PTK2: variants seen among roughly 807,000 people sequenced by gnomAD.
PTK2 encodes the protein protein tyrosine kinase 2.
In PTK2, 45 loss-of-function variants were observed where a neutral mutation model predicts 150.1. That is an observed-to-expected ratio of 0.30 (90% CI 0.24 to 0.38). PTK2 has a LOEUF of 0.38. Ranked by LOEUF, PTK2 falls within the 10% of genes least tolerant of loss-of-function variation. The pLI, the probability that PTK2 is intolerant of heterozygous loss-of-function variation, is 1.00. For synonymous variants in PTK2, 432 were observed against 449.2 expected (o/e 0.96, Z 0.48); for missense variants, 919 against 1,307.3 (o/e 0.70, Z 4.58).
chr8:140,694,950 C>T (rs1428297047), intron 26 of PTK2, among the ~76,000 whole-genome samples: 7 of 152,134 alleles, frequency 4.6e-5, no homozygotes, highest in South Asian at 2.1e-4. Flanking sequence ...CACACTACAC[C>T]GCACCAGGCG....
chr8:140,879,690 A>AAC (rs1555303005), intron 3 of PTK2, 53 bp from the exon 4 acceptor site: 5 of 1,270,600 alleles, frequency 3.9e-6, no homozygotes, highest in Non-Finnish European at 4.1e-6. Context: ...AAAAAAAAAA[A>AAC]AAAAAAAAAA....
Position 140,830,078 on chromosome 8 carries a change from CACACAT to C in PTK2, c.648+388_648+393del, listed in dbSNP as rs1334041895. ...TTCAAAATGCACTAACATGCACGCA[CACACAT>C]ACACACACACACACACACACACACA... is the stretch of plus-strand genomic sequence containing the variant. On this transcript the variant is annotated intron_variant, in intron 8 of 31. Transcript: ENST00000522684. Among the ~76,000 whole-genome samples, 302 of 97,116 alleles carry C rather than the reference CACACAT, an allele frequency of 3.1e-3. 3 individuals are homozygous for C. Among genetic ancestry groups the C allele is most frequent in the African/African-American group, 0.018 (289 of 15,986 alleles). 63.7% of individuals were successfully genotyped at this position (97,116 alleles called of 152,430 possible).
intron 1 of PTK2, among the ~76,000 whole-genome samples, chr8:140,947,703 G>A (rs982883939): frequency 6.6e-6 from 1 of 152,002 alleles, no homozygotes; most frequent in Non-Finnish European, 1.5e-5. Context: ...AGCTATTAAA[G>A]AGGAGCTACA....
chr8:140,955,298 A>G (rs11992645), intron 1 of PTK2, among the ~76,000 whole-genome samples: 63,451 of 151,944 alleles, frequency 0.42, 15,168 homozygotes, highest in Non-Finnish European at 0.55. Flanking sequence ...TCATGATAGC[A>G]AATAAGTCTC....
At chr8:140,736,252 A>G (rs955008942) in intron 21 of PTK2, among the ~76,000 whole-genome samples, 2 of 152,278 alleles carry the variant, frequency 1.3e-5, no homozygotes, top group Admixed American at 1.3e-4. Context: ...CCATTTATCC[A>G]AAGTGCATTA....
At chr8:140,742,691 T>C (rs2100056442) in intron 20 of PTK2, among the ~76,000 whole-genome samples, 1 of 152,216 alleles carries the variant, frequency 6.6e-6, no homozygotes. Context: ...TTTTGCCCAT[T>C]TCTAAGTGCA....
chr8:140,957,223 T>C (rs1453457108), intron 1 of PTK2, among the ~76,000 whole-genome samples: 1 of 152,010 alleles, frequency 6.6e-6, no homozygotes, highest in Non-Finnish European at 1.5e-5. Flanking sequence ...TGCTTGAGTC[T>C]AGAAGTTTGA....
At chr8:140,859,744 GC>G (rs1056000435) in intron 5 of PTK2, among the ~76,000 whole-genome samples, 1 of 144,864 alleles carries the variant, frequency 6.9e-6, no homozygotes, top group Non-Finnish European at 1.5e-5. Context: ...ATTTATCTGT[GC>G]CCCCCCTCCC....
At chr8:141,000,127 C>CACACACACACACACACACACA (rs58481152) in intron 1 of PTK2, among the ~76,000 whole-genome samples, 1,563 of 123,716 alleles carry the variant, frequency 0.013, 55 homozygotes, top group African/African-American at 0.017. Context: ...ACACACACAC[C>CACACACACACACACACACACA]CCTTCTTCTA....
chr8:140,934,309 G>A (rs1249436897), intron 1 of PTK2, among the ~76,000 whole-genome samples: 1 of 152,176 alleles, frequency 6.6e-6, no homozygotes, highest in South Asian at 2.1e-4. Context: ...TCAGGAGGCT[G>A]AGGCAGGAGG....
intron 5 of PTK2, among the ~76,000 whole-genome samples, chr8:140,860,179 C>T (rs1022132590): frequency 6.6e-6 from 1 of 152,178 alleles, no homozygotes; most frequent in African/African-American, 2.4e-5. Flanking sequence ...AAATTTGAAA[C>T]TCAGTACAAC....
chr8:140,752,234 G>C, exon 17 of PTK2: 1 of 1,612,204 alleles, frequency 6.2e-7, no homozygotes, highest in East Asian at 2.2e-5. Flanking sequence ...ACACTTACAG[G>C]CTTCTTGAAG....
At chr8:140,988,504 C>A (rs763186874) in intron 1 of PTK2, among the ~76,000 whole-genome samples, 7 of 151,976 alleles carry the variant, frequency 4.6e-5, no homozygotes, top group Non-Finnish European at 8.8e-5. Flanking sequence ...CCAAGGCAGG[C>A]GGATCACAAG....
intron 29 of PTK2, chr8:140,668,799 A>G (rs980879784): frequency 6.2e-5 from 11 of 176,524 alleles, no homozygotes; most frequent in African/African-American, 2.6e-4. Flanking sequence ...CTATTTGGCT[A>G]AAGAGTCAAA....
intron 1 of PTK2, among the ~76,000 whole-genome samples, chr8:140,943,705 TACTA>T (rs1424677198): frequency 3.3e-5 from 5 of 152,086 alleles, no homozygotes; most frequent in Non-Finnish European, 5.9e-5. Context: ...AGCAGGAGAG[TACTA>T]ACTGTCTCAC....
intron 29 of PTK2, chr8:140,672,202 C>CT (rs1341762252): frequency 8.9e-6 from 4 of 447,112 alleles, no homozygotes; most frequent in African/African-American, 4.1e-5. Flanking sequence ...GTCCCCTTTT[C>CT]TTTTTTTAAA....
chr8:140,874,127 A>G (rs1019424627), intron 4 of PTK2, among the ~76,000 whole-genome samples: 2 of 152,262 alleles, frequency 1.3e-5, no homozygotes, highest in South Asian at 2.1e-4. Context: ...CCATTTATCA[A>G]TCCAGCTCTT....
At chr8:140,904,069 G>A (rs748298817) in intron 2 of PTK2, among the ~76,000 whole-genome samples, 3 of 152,120 alleles carry the variant, frequency 2.0e-5, no homozygotes, top group African/African-American at 7.2e-5. Flanking sequence ...CGGCATCCTT[G>A]TCTTGTGCCA....
intron 25 of PTK2, 49 bp downstream of exon 28, chr8:140,702,521 T>C (rs770555831): frequency 1.3e-6 from 2 of 1,595,492 alleles, no homozygotes; most frequent in African/African-American, 2.7e-5. Context: ...TGCCCAGCTT[T>C]GCCATGCTTT....
Sources: gnomAD v4.1 joint callset for allele counts (sites outside exome capture counted in the v4.1 genomes callset) on GRCh38, gnomAD v4.1.1 for gene constraint, MANE v1.5 for transcripts, NCBI Gene and HGNC (gene_info 2026-07-23, HGNC 2026-07-21) for gene names.